Variants in CTTNBP2NL observed in about 807,000 individuals in gnomAD.
CTTNBP2NL encodes the protein CTTNBP2 N-terminal like.
In CTTNBP2NL, 16 loss-of-function variants were observed where a neutral mutation model predicts 32.5. The ratio of observed to expected loss-of-function variants is 0.49; its 90% CI spans 0.33 to 0.75. The LOEUF is 0.75. Among genes scored for constraint, CTTNBP2NL ranks in the 30% least tolerant of loss-of-function variants. The probability of loss-of-function intolerance (pLI) is 0.02; values close to 1 mark genes in which losing one functional copy is unlikely to be tolerated. For missense variants in CTTNBP2NL, 645 were observed against 756.0 expected (o/e 0.85, Z 1.72); for synonymous variants, 298 against 289.4 (o/e 1.03, Z -0.30).
chr1:112,448,069 C>G (rs566077197), intron 3 of CTTNBP2NL, among the ~76,000 whole-genome samples: 2 of 152,346 alleles, frequency 1.3e-5, no homozygotes, highest in South Asian at 4.1e-4. Context: ...ACTTCCTGAT[C>G]CTTATACTCC....
chr1:112,427,918 T>C (rs1649450405), intron 3 of CTTNBP2NL, among the ~76,000 whole-genome samples: 1 of 143,470 alleles, frequency 7.0e-6, no homozygotes, highest in Non-Finnish European at 1.5e-5. Flanking sequence ...AAACAGTAAA[T>C]CCTTTATTAA....
intron 3 of CTTNBP2NL, among the ~76,000 whole-genome samples, chr1:112,446,104 A>G (rs1401713146): frequency 1.3e-5 from 2 of 152,228 alleles, no homozygotes; most frequent in African/African-American, 4.8e-5. Flanking sequence ...TGACAGTTAG[A>G]AAAGTAGTAT....
At chr1:112,408,657 T>C (rs1278469976) in intron 1 of CTTNBP2NL, among the ~76,000 whole-genome samples, 2 of 152,194 alleles carry the variant, frequency 1.3e-5, no homozygotes, top group African/African-American at 4.8e-5. Context: ...ATTTAGTATT[T>C]GTAAATGTGG....
At position 112,430,405 on chromosome 1, in the gene CTTNBP2NL, G is replaced by A. The variant is rs2483352; in HGVS notation, c.99+14141G>A. On this transcript the variant is annotated intron_variant, in intron 3 of 5. Transcript: ENST00000271277. The stretch of plus-strand genomic sequence containing the variant: ...GACACCCACCTATCTAATTTGTTGT[G>A]GTTGTACTTTTTTGTAGAGATGGGG... Among the ~76,000 whole-genome samples, 235 of 151,646 alleles carry A rather than the reference G, an allele frequency of 1.5e-3. 1 individual carries two copies. The highest frequency in any genetic ancestry group is 5.2e-3 in the African/African-American group (216 of 41,288).
At chr1:112,428,658 C>T (rs929406574) in intron 3 of CTTNBP2NL, among the ~76,000 whole-genome samples, 2 of 152,116 alleles carry the variant, frequency 1.3e-5, no homozygotes, top group Non-Finnish European at 2.9e-5. Context: ...ATCCAGGATA[C>T]ATATACACAC....
rs559372873 is a variant in CTTNBP2NL, at chr1:112,427,423, G to T, written c.99+11159G>T. Among the ~76,000 whole-genome samples the T allele has an allele frequency of 5.9e-5, 9 of 152,216 alleles. No homozygotes were observed. In the South Asian group the frequency reaches 1.5e-3, roughly 25 times the overall value. On this transcript the variant is annotated intron_variant, in intron 3 of 5. Transcript: ENST00000271277. ...TTACTTTTGGGTAAAAAAATTCAGG[G>T]TTTGTTTCTTTTACTGAATTTACTA...
At chr1:112,452,025 T>G (rs1650235248) in intron 4 of CTTNBP2NL, among the ~76,000 whole-genome samples, 1 of 152,160 alleles carries the variant, frequency 6.6e-6, no homozygotes, top group Non-Finnish European at 1.5e-5. Context: ...GGGGTTTTAG[T>G]CTTTTTATTC....
In CTTNBP2NL at chr1:112,459,818, T is replaced by C. The variant is rs140719384; in HGVS notation, c.*2406T>C. On this transcript the variant is annotated 3_prime_UTR_variant, in exon 6 of 6. Transcript: ENST00000271277. ...TCCTTTGTTTTGGGATAGATATATA[T>C]AGAGAGAGATACTATAAGGAAGTTT... 2.6e-5 allele frequency: 4 copies of C among 152,298 alleles called. No homozygotes were observed. In the East Asian group the frequency reaches 7.7e-4, roughly 29 times the overall value. The allele number at this position is 152,298 out of a possible 1,614,324, so 9.4% of individuals were successfully genotyped here. A position where few individuals can be genotyped will look rare whatever the true frequency, so the allele number is the denominator to read the frequency against.
chr1:112,408,565 AT>A (rs889063314), intron 1 of CTTNBP2NL, among the ~76,000 whole-genome samples: 5 of 151,724 alleles, frequency 3.3e-5, no homozygotes, highest in South Asian at 2.1e-4. Flanking sequence ...ATACATTTTA[AT>A]TTTTTTTTAA....
At chr1:112,436,056 T>TTC (rs1424503040) in intron 3 of CTTNBP2NL, among the ~76,000 whole-genome samples, 1 of 151,986 alleles carries the variant, frequency 6.6e-6, no homozygotes, top group Non-Finnish European at 1.5e-5. Context: ...ATTTTTTTTT[T>TTC]TTTTTTGAGA....
At position 112,437,973 on chromosome 1, in the gene CTTNBP2NL, A is replaced by G. The variant is rs1469236010; in HGVS notation, c.100-10969A>G. ...TTAAGTAATTAGATCCCATTTATCA[A>G]TTTTTGCTTCTGTTGCAATTGCATT... is the stretch of plus-strand genomic sequence containing the variant. On this transcript the variant is annotated intron_variant, in intron 3 of 5. Transcript: ENST00000271277. 2.6e-5 allele frequency among the ~76,000 whole-genome samples: 4 copies of G among 152,088 alleles called. No homozygotes were observed. In the East Asian group the frequency reaches 7.7e-4, roughly 29 times the overall value.
At chr1:112,391,309 A>C (rs1029346501), upstream of CTTNBP2NL, among the ~76,000 whole-genome samples, 19 of 152,186 alleles carry the variant, frequency 1.2e-4, no homozygotes, top group African/African-American at 4.6e-4. Flanking sequence ...GGAAAAGGAG[A>C]TAGTGAAGAC....
chr1:112,440,124 A>G (rs1198938296), intron 3 of CTTNBP2NL, among the ~76,000 whole-genome samples: 1 of 152,210 alleles, frequency 6.6e-6, no homozygotes, highest in African/African-American at 2.4e-5. Flanking sequence ...AACATTAAGT[A>G]TTCAAACCAT....
intron 3 of CTTNBP2NL, among the ~76,000 whole-genome samples, chr1:112,420,346 G>A (rs565946880): frequency 3.3e-5 from 5 of 151,486 alleles, no homozygotes; most frequent in East Asian, 1.9e-4. Flanking sequence ...GGGTTTTACC[G>A]TATTGGCCAG....
rs1178674984 is a variant in CTTNBP2NL at position 112,456,457 on chromosome 1, C to T, written c.965C>T (p.Thr322Ile). The T allele has an allele frequency of 1.5e-5, 25 of 1,613,992 alleles. No individual in the cohort carries two copies. Among genetic ancestry groups the T allele is most frequent in the Non-Finnish European group, 2.1e-5 (25 of 1,180,028 alleles). Reference protein sequence around the residue: ...CQTESFPAERTHGSNIAKMTN... With the variant: ...CQTESFPAERIHGSNIAKMTN... ...ACAGAGAGTTTTCCAGCAGAAAGAA[C>T]CCATGGGAGCAACATAGCCAAGATG... The change falls in exon 6 of 6, where the codon ACC (threonine) becomes ATC (isoleucine). Residue 322 changes from threonine to isoleucine, a missense_variant. Coordinates refer to ENST00000271277, the MANE Select transcript of CTTNBP2NL (RefSeq NM_018704.3).
intron 1 of CTTNBP2NL, among the ~76,000 whole-genome samples, chr1:112,411,048 A>G (rs887309371): frequency 5.3e-5 from 8 of 152,212 alleles, no homozygotes; most frequent in African/African-American, 1.9e-4. Context: ...AATTCTGCCC[A>G]TATATTGGGC....
upstream of CTTNBP2NL, among the ~76,000 whole-genome samples, chr1:112,395,209 A>C (rs1648285163): frequency 1.3e-5 from 2 of 152,242 alleles, no homozygotes; most frequent in Admixed American, 6.5e-5. Context: ...TATTCGTCTC[A>C]AATATTTATT....
chr1:112,456,026 C>G lies in CTTNBP2NL; in HGVS notation c.534C>G (p.Leu178=). Residue 178 remains leucine (L), a synonymous_variant, in exon 6 of 6, where the codon CTC becomes CTG. Coordinates refer to ENST00000271277, the MANE Select transcript of CTTNBP2NL (RefSeq NM_018704.3). ...AGGAGCGCTCCCGCCACAAGCAGCT[C>G]TCATCCATGCTAGTGCTTGAGTGCA... ...LEEERSRHKQ[L]SSMLVLECKK... 3 of 1,614,150 alleles carry G rather than the reference C, an allele frequency of 1.9e-6. No individual in the cohort carries two copies. The highest frequency in any genetic ancestry group is 2.5e-6 in the Non-Finnish European group (3 of 1,180,014).
chr1:112,429,396 C>T (rs1209653986), intron 3 of CTTNBP2NL, among the ~76,000 whole-genome samples: 1 of 152,204 alleles, frequency 6.6e-6, no homozygotes, highest in East Asian at 1.9e-4. Flanking sequence ...CCTATAGTCC[C>T]AGCTACTTGG....
Sources: gnomAD v4.1 joint callset for allele counts (sites outside exome capture counted in the v4.1 genomes callset) on GRCh38, gnomAD v4.1.1 for gene constraint, MANE v1.5 for transcripts, NCBI Gene and HGNC (gene_info 2026-07-23, HGNC 2026-07-21) for gene names.